The following FIRRM variants were observed in gnomAD, a reference collection of about 807,000 sequenced individuals.
FIRRM encodes FIGNL1 interacting regulator of recombination and mitosis, also known as FIGNL1-interacting regulator of recombination and mitosis.
chr1:169,840,509 T>C, the FIRRM span, among the ~76,000 whole-genome samples: 4 of 149,092 alleles, frequency 2.7e-5, no homozygotes, highest in African/African-American at 9.8e-5. Flanking sequence ...CTTTTCTTTT[T>C]TCTTTTTTTT....
chr1:169,805,726 A>G, the FIRRM span, among the ~76,000 whole-genome samples: 1 of 152,242 alleles, frequency 6.6e-6, no homozygotes, highest in African/African-American at 2.4e-5. Context: ...CAGTTATAAT[A>G]GGGTACAACT....
chr1:169,827,959 G>A, the FIRRM span: 3 of 1,085,366 alleles, frequency 2.8e-6, no homozygotes, highest in Admixed American at 4.5e-5. Context: ...TATGTTAATA[G>A]TTATTGTGTA....
the FIRRM span, among the ~76,000 whole-genome samples, chr1:169,812,073 C>T: frequency 6.6e-6 from 1 of 152,146 alleles, no homozygotes; most frequent in Non-Finnish European, 1.5e-5. Context: ...AAAGATGGGA[C>T]TGTTAAGTTA....
At chr1:169,847,484 G>A in the FIRRM span, among the ~76,000 whole-genome samples, 1,579 of 152,206 alleles carry the variant, frequency 0.01, 31 homozygotes, top group African/African-American at 0.036. Flanking sequence ...GGTGTGGTAA[G>A]AATAATGCTT....
At chr1:169,805,729 G>A in the FIRRM span, among the ~76,000 whole-genome samples, 1 of 152,082 alleles carries the variant, frequency 6.6e-6, no homozygotes, top group African/African-American at 2.4e-5. Flanking sequence ...TTATAATAGG[G>A]TACAACTTTT....
the FIRRM span, chr1:169,842,665 A>G: frequency 9.2e-6 from 10 of 1,087,110 alleles, no homozygotes; most frequent in African/African-American, 8.0e-5. Context: ...GTAGACCTTT[A>G]TAAGAACTTA....
At chr1:169,807,843 A>G in the FIRRM span, 6 of 1,608,466 alleles carry the variant, frequency 3.7e-6, no homozygotes, top group African/African-American at 1.3e-5. Context: ...ACACAAAGAT[A>G]TAATTACTAG....
At chr1:169,818,709 C>CA in the FIRRM span, among the ~76,000 whole-genome samples, 1 of 152,070 alleles carries the variant, frequency 6.6e-6, no homozygotes, top group Non-Finnish European at 1.5e-5. Context: ...TATTTTGAGA[C>CA]AGAGTCTTGC....
the FIRRM span, among the ~76,000 whole-genome samples, chr1:169,834,389 A>G: frequency 2.6e-5 from 4 of 152,204 alleles, no homozygotes; most frequent in African/African-American, 9.6e-5. Flanking sequence ...TAATACTCAT[A>G]TGGCAGTTAA....
the FIRRM span, among the ~76,000 whole-genome samples, chr1:169,833,846 CT>C: frequency 0.44 from 42,298 of 95,662 alleles, 8,957 homozygotes; most frequent in Middle Eastern, 0.58. Flanking sequence ...AGTCACTTTC[CT>C]TTTTTTTTTT....
chr1:169,826,076 T>G, the FIRRM span: 1 of 330,536 alleles, frequency 3.0e-6, no homozygotes, highest in African/African-American at 2.1e-5. Flanking sequence ...AAAACAACTT[T>G]TTTTTTCTTT....
At chr1:169,831,260 T>C in the FIRRM span, among the ~76,000 whole-genome samples, 3 of 152,322 alleles carry the variant, frequency 2.0e-5, no homozygotes, top group Non-Finnish European at 4.4e-5. Flanking sequence ...GATTTCATCA[T>C]CTTAACATTA....
At chr1:169,795,626 CTG>C in the FIRRM span, 1 of 995,688 alleles carries the variant, frequency 1.0e-6, no homozygotes, top group East Asian at 1.1e-4. Flanking sequence ...GCGAGATACT[CTG>C]AGCTTTTGTC....
chr1:169,843,234 C>T, the FIRRM span, among the ~76,000 whole-genome samples: 1 of 152,190 alleles, frequency 6.6e-6, no homozygotes, highest in Non-Finnish European at 1.5e-5. Context: ...AAATACTTTT[C>T]CTGATGTTCA....
At chr1:169,815,549 A>G in the FIRRM span, among the ~76,000 whole-genome samples, 1 of 152,162 alleles carries the variant, frequency 6.6e-6, no homozygotes, top group South Asian at 2.1e-4. Context: ...AGTATCTTTT[A>G]TCATGCTAAT....
the FIRRM span, chr1:169,830,714 G>A: frequency 8.1e-6 from 13 of 1,613,710 alleles, no homozygotes; most frequent in Non-Finnish European, 1.1e-5. Flanking sequence ...CTGCTGAACT[G>A]TGTGCACACC....
chr1:169,800,425 G>C, the FIRRM span, among the ~76,000 whole-genome samples: 10,079 of 152,110 alleles, frequency 0.066, 431 homozygotes, highest in Non-Finnish European at 0.099. Context: ...GAAACATATA[G>C]AAAAACAGAA....
At chr1:169,792,993 A>G in the FIRRM span, 1 of 1,614,052 alleles carries the variant, frequency 6.2e-7, no homozygotes, top group Non-Finnish European at 8.5e-7. Flanking sequence ...TCCAAAGTGG[A>G]GTTAGCTACT....
the FIRRM span, among the ~76,000 whole-genome samples, chr1:169,822,761 A>G: frequency 1.3e-5 from 2 of 151,634 alleles, no homozygotes; most frequent in African/African-American, 4.8e-5. Flanking sequence ...TGCCCTCCCA[A>G]AATGCTGGGA....
Sources: gnomAD v4.1 joint callset for allele counts (sites outside exome capture counted in the v4.1 genomes callset) on GRCh38, gnomAD v4.1.1 for gene constraint, MANE v1.5 for transcripts, NCBI Gene and HGNC (gene_info 2026-07-23, HGNC 2026-07-21) for gene names.